Variants in ADAMTS9 observed in about 807,000 individuals in gnomAD.
ADAMTS9 encodes A disintegrin and metalloproteinase with thrombospondin motifs 9.
ADAMTS9 carries 107 observed loss-of-function variants against 257.1 expected under a neutral mutation model. The ratio of observed to expected loss-of-function variants is 0.42; its 90% CI spans 0.36 to 0.49. ADAMTS9 has a LOEUF of 0.49. Among genes scored for constraint, ADAMTS9 ranks in the 20% least tolerant of loss-of-function variants. The pLI is 0.03. For missense variants in ADAMTS9, 2,353 were observed against 2,469.1 expected (o/e 0.95, Z 1.00); for synonymous variants, 982 against 880.9 (o/e 1.11, Z -2.03).
intron 12 of ADAMTS9, among the ~76,000 whole-genome samples, chr3:64,634,380 C>T (rs552165503): frequency 1.3e-5 from 2 of 152,304 alleles, no homozygotes; most frequent in South Asian, 4.1e-4. Flanking sequence ...TTCATTCTGT[C>T]CCTCTACTCC....
At chr3:64,532,618 G>A (rs1201186021) in intron 38 of ADAMTS9, among the ~76,000 whole-genome samples, 16 of 152,006 alleles carry the variant, frequency 1.1e-4, no homozygotes, top group Non-Finnish European at 5.9e-5. Context: ...CATTTCCAAC[G>A]GGCCCCCAGG....
intron 19 of ADAMTS9, among the ~76,000 whole-genome samples, chr3:64,617,128 A>G (rs932900821): frequency 6.6e-6 from 1 of 152,164 alleles, no homozygotes; most frequent in African/African-American, 2.4e-5. Flanking sequence ...ATTGTAAAAC[A>G]ATGCTTTATC....
At chr3:64,650,182 C>A (rs11714364) in intron 9 of ADAMTS9, 28,864 of 156,938 alleles carry the variant, frequency 0.18, 3,624 homozygotes, top group East Asian at 0.54. Flanking sequence ...GATGCGTGAG[C>A]GAATCAATGA....
intron 3 of ADAMTS9, among the ~76,000 whole-genome samples, chr3:64,670,347 A>G (rs1396051279): frequency 6.6e-6 from 1 of 152,214 alleles, no homozygotes; most frequent in Non-Finnish European, 1.5e-5. Flanking sequence ...CAGATGAGCA[A>G]TAAAAATAAC....
intron 4 of ADAMTS9, among the ~76,000 whole-genome samples, chr3:64,656,828 G>T (rs932748783): frequency 6.6e-6 from 1 of 152,000 alleles, no homozygotes; most frequent in African/African-American, 2.4e-5. Flanking sequence ...GAACAAAAAG[G>T]CAAGGAGTAC....
chr3:64,522,733 G>C (rs912416997), intron 38 of ADAMTS9, among the ~76,000 whole-genome samples: 1 of 151,994 alleles, frequency 6.6e-6, no homozygotes, highest in Non-Finnish European at 1.5e-5. Context: ...AGTGTTTTGA[G>C]TGATGTGTGT....
intron 30 of ADAMTS9, among the ~76,000 whole-genome samples, chr3:64,551,648 C>A (rs1204979763): frequency 6.6e-6 from 1 of 152,178 alleles, no homozygotes; most frequent in Non-Finnish European, 1.5e-5. Flanking sequence ...ACTTCAAACA[C>A]CTACTCACAA....
At chr3:64,652,565 T>C (rs1164249227) in intron 8 of ADAMTS9, among the ~76,000 whole-genome samples, 1 of 152,180 alleles carries the variant, frequency 6.6e-6, no homozygotes, top group East Asian at 1.9e-4. Context: ...ACTCCCACAA[T>C]TACTTGATAA....
At position 64,603,391 on chromosome 3, in the gene ADAMTS9, A is replaced by C. The variant is rs368560473; in HGVS notation, c.3747+531T>G. On this transcript the variant is annotated intron_variant, in intron 25 of 39. Transcript: ENST00000498707. ...GCTTTTTGCAGGGCAGAAAACAAGA[A>C]GCTGCCTAAAGATAAAAGTTCTACT... Among the ~76,000 whole-genome samples the C allele has an allele frequency of 6.7e-5, 10 of 148,882 alleles. No homozygotes were observed. The East Asian group carries it at 1.7e-3, about 26-fold the overall frequency.
chr3:64,626,428 T>C (rs1346171275), intron 16 of ADAMTS9, among the ~76,000 whole-genome samples: 1 of 152,210 alleles, frequency 6.6e-6, no homozygotes, highest in Non-Finnish European at 1.5e-5. Flanking sequence ...GTTTGTGTTG[T>C]AGATTTTTCT....
At chr3:64,553,081 C>T (rs1490794273) in intron 30 of ADAMTS9, among the ~76,000 whole-genome samples, 2 of 151,776 alleles carry the variant, frequency 1.3e-5, no homozygotes, top group Non-Finnish European at 2.9e-5. Flanking sequence ...ACCATTTTAA[C>T]TATCACAAGT....
chr3:64,597,967 T>C (rs994123696), intron 26 of ADAMTS9, among the ~76,000 whole-genome samples: 3 of 152,232 alleles, frequency 2.0e-5, no homozygotes, highest in East Asian at 3.8e-4. Flanking sequence ...AGGCTGATTT[T>C]TGCTTTCTAG....
chr3:64,526,728 C>T (rs975588932), intron 38 of ADAMTS9, among the ~76,000 whole-genome samples: 23 of 152,210 alleles, frequency 1.5e-4, no homozygotes, highest in Non-Finnish European at 5.9e-5. Context: ...AACCTCTTTA[C>T]GCCTCAGTTC....
intron 36 of ADAMTS9, among the ~76,000 whole-genome samples, 159 bp from the exon 37 acceptor site, chr3:64,539,453 A>G (rs1260967275): frequency 2.0e-5 from 3 of 152,212 alleles, no homozygotes; most frequent in African/African-American, 7.2e-5. Context: ...AAATGGATCC[A>G]GATGCTCACT....
intron 22 of ADAMTS9, among the ~76,000 whole-genome samples, chr3:64,611,020 G>A (rs965189072): frequency 1.4e-5 from 2 of 144,784 alleles, no homozygotes; most frequent in Non-Finnish European, 3.0e-5. Context: ...AGGTTGCCAT[G>A]AGCCGAGATG....
intron 28 of ADAMTS9, chr3:64,568,747 G>A (rs897772608): frequency 5.8e-6 from 3 of 514,534 alleles, no homozygotes; most frequent in Non-Finnish European, 9.9e-6. Flanking sequence ...CAGCAATCCT[G>A]TGTGGCATTT....
At chr3:64,670,743 G>T (rs1219553137) in intron 3 of ADAMTS9, among the ~76,000 whole-genome samples, 1 of 152,128 alleles carries the variant, frequency 6.6e-6, no homozygotes. Context: ...AAGATACATG[G>T]ATAGCAAATA....
intron 10 of ADAMTS9, 105 bp from the exon 11 acceptor site, chr3:64,648,149 T>A: frequency 1.0e-6 from 1 of 994,246 alleles, no homozygotes; most frequent in South Asian, 1.6e-5. Flanking sequence ...TGACATAGGG[T>A]AAGTGGGGAA....
At chr3:64,667,058 C>A (rs1701368541) in intron 3 of ADAMTS9, among the ~76,000 whole-genome samples, 1 of 151,998 alleles carries the variant, frequency 6.6e-6, no homozygotes, top group South Asian at 2.1e-4. Flanking sequence ...GTGATGTGCC[C>A]AGTGTCAAGT....
Sources: gnomAD v4.1 joint callset for allele counts (sites outside exome capture counted in the v4.1 genomes callset) on GRCh38, gnomAD v4.1.1 for gene constraint, MANE v1.5 for transcripts, NCBI Gene and HGNC (gene_info 2026-07-23, HGNC 2026-07-21) for gene names.